TTC7B: variants seen among roughly 807,000 people sequenced by gnomAD.
TTC7B encodes the protein tetratricopeptide repeat domain 7B, also known as tetratricopeptide repeat protein 7B.
Under a neutral mutation model 106.8 loss-of-function variants are expected in TTC7B, and 28 were observed. The ratio of observed to expected loss-of-function variants is 0.26; its 90% CI spans 0.19 to 0.36. The LOEUF (loss-of-function observed/expected upper bound fraction) is 0.36. Ranked by LOEUF, TTC7B falls within the 10% of genes least tolerant of loss-of-function variation. The pLI is 1.00. For synonymous variants in TTC7B, 405 were observed against 430.6 expected, an observed-to-expected ratio of 0.94 and a Z score of 0.74; for missense variants, 862 against 1,076.4, an observed-to-expected ratio of 0.80 and a Z score of 2.79.
chr14:90,690,170 T>C (rs1442159786), intron 6 of TTC7B, among the ~76,000 whole-genome samples: 1 of 152,242 alleles, frequency 6.6e-6, no homozygotes, highest in East Asian at 1.9e-4. Context: ...CGATGTCCAC[T>C]GTAGACGTCT....
At chr14:90,674,235 T>C (rs1351978613) in intron 9 of TTC7B, among the ~76,000 whole-genome samples, 1 of 152,144 alleles carries the variant, frequency 6.6e-6, no homozygotes. Context: ...CAGAGTAGGA[T>C]GTGGCCTCGG....
At chr14:90,736,893 TAAA>T (rs58051350) in intron 4 of TTC7B, among the ~76,000 whole-genome samples, 1 of 91,918 alleles carries the variant, frequency 1.1e-5, no homozygotes, top group Admixed American at 1.4e-4. Flanking sequence ...CCATGTCTCT[TAAA>T]AAAAAAAAAA....
intron 5 of TTC7B, among the ~76,000 whole-genome samples, chr14:90,700,578 C>T (rs1887945000): frequency 6.6e-6 from 1 of 151,848 alleles, no homozygotes; most frequent in Admixed American, 6.5e-5. Flanking sequence ...CCCCTTTCCC[C>T]ATCTCCTTGC....
intron 3 of TTC7B, among the ~76,000 whole-genome samples, chr14:90,760,678 G>A (rs953036397): frequency 2.6e-5 from 4 of 152,176 alleles, no homozygotes; most frequent in African/African-American, 7.2e-5. Context: ...GAGCCCTGGG[G>A]GGCATTGTGC....
chr14:90,743,885 C>G (rs1367600417), intron 4 of TTC7B, among the ~76,000 whole-genome samples: 2 of 152,244 alleles, frequency 1.3e-5, no homozygotes, highest in Non-Finnish European at 1.5e-5. Context: ...CCCCATCCAG[C>G]CTCCAGCCTC....
At chr14:90,584,028 C>G (rs575722779) in intron 18 of TTC7B, among the ~76,000 whole-genome samples, 34 of 152,272 alleles carry the variant, frequency 2.2e-4, no homozygotes, top group African/African-American at 7.7e-4. Context: ...TTCCTCCACC[C>G]TGCGTGTGCT....
In TTC7B at chr14:90,556,132, G is replaced by A. The variant is rs561367396; in HGVS notation, c.2311-14543C>T. ...CACGTAACATCAAAGGACAGTCAGC[G>A]AGAAAGGAAGGACAGGTCCACTGGC... On this transcript the variant is annotated intron_variant, in intron 19 of 19. Transcript: ENST00000328459. 1.1e-4 allele frequency among the ~76,000 whole-genome samples: 16 copies of A among 152,374 alleles called. No homozygotes were observed. In the South Asian group the frequency reaches 1.7e-3, roughly 16 times the overall value.
chr14:90,602,925 G>A (rs915619905), intron 17 of TTC7B, among the ~76,000 whole-genome samples: 2 of 152,146 alleles, frequency 1.3e-5, no homozygotes, highest in Non-Finnish European at 2.9e-5. Context: ...TTGGGAAGAC[G>A]GGGCATCTCA....
intron 5 of TTC7B, among the ~76,000 whole-genome samples, chr14:90,721,350 C>T (rs1333242651): frequency 6.6e-6 from 1 of 152,164 alleles, no homozygotes; most frequent in Non-Finnish European, 1.5e-5. Flanking sequence ...CAATTCATCA[C>T]TGAAAAGAGG....
chr14:90,795,329 G>A (rs55775437), intron 1 of TTC7B, among the ~76,000 whole-genome samples: 3 of 152,170 alleles, frequency 2.0e-5, no homozygotes, highest in African/African-American at 7.2e-5. Context: ...GGCCTTGAGA[G>A]CTTCCAGGTG....
intron 7 of TTC7B, among the ~76,000 whole-genome samples, chr14:90,688,138 G>T (rs1887319197): frequency 6.6e-6 from 1 of 152,212 alleles, no homozygotes; most frequent in South Asian, 2.1e-4. Flanking sequence ...ATTTATTCAT[G>T]TGTGTTCCCC....
chr14:90,779,626 G>A (rs1891145260), intron 3 of TTC7B, among the ~76,000 whole-genome samples: 1 of 152,128 alleles, frequency 6.6e-6, no homozygotes, highest in South Asian at 2.1e-4. Flanking sequence ...TATCATTTAT[G>A]CAGCATTTAG....
chr14:90,684,743 G>T (rs1261567818), intron 7 of TTC7B, among the ~76,000 whole-genome samples: 4 of 152,178 alleles, frequency 2.6e-5, no homozygotes, highest in Non-Finnish European at 5.9e-5. Flanking sequence ...AAGAGGCCAC[G>T]GGAGGGCGTG....
chr14:90,770,959 C>A (rs773031845), intron 3 of TTC7B, among the ~76,000 whole-genome samples: 1 of 152,176 alleles, frequency 6.6e-6, no homozygotes, highest in African/African-American at 2.4e-5. Flanking sequence ...AAGGCAAATA[C>A]CACATGACTC....
At chr14:90,786,987 C>T (rs1052262453) in intron 1 of TTC7B, among the ~76,000 whole-genome samples, 1 of 152,156 alleles carries the variant, frequency 6.6e-6, no homozygotes, top group Non-Finnish European at 1.5e-5. Context: ...ACACAAACCC[C>T]AGTGTTACGT....
intron 15 of TTC7B, among the ~76,000 whole-genome samples, chr14:90,623,926 C>G (rs1166315101): frequency 6.6e-6 from 1 of 152,198 alleles, no homozygotes; most frequent in Non-Finnish European, 1.5e-5. Flanking sequence ...GAGGCTGAGG[C>G]AGAAGAATTG....
chr14:90,558,210 G>A (rs1436793530), intron 19 of TTC7B, among the ~76,000 whole-genome samples: 1 of 152,250 alleles, frequency 6.6e-6, no homozygotes, highest in African/African-American at 2.4e-5. Flanking sequence ...GGGATGGCAG[G>A]TGGTCCTCAG....
intron 14 of TTC7B, 62 bp from the exon 15 acceptor site, chr14:90,644,270 C>T: frequency 7.5e-7 from 1 of 1,324,988 alleles, no homozygotes. Context: ...CACACACACA[C>T]ACACACACAC....
At chr14:90,639,860 C>T (rs986916562) in intron 15 of TTC7B, among the ~76,000 whole-genome samples, 4 of 152,194 alleles carry the variant, frequency 2.6e-5, no homozygotes, top group South Asian at 2.1e-4. Flanking sequence ...GTCACTGCTG[C>T]GTGCAACAAG....
Sources: gnomAD v4.1 joint callset for allele counts (sites outside exome capture counted in the v4.1 genomes callset) on GRCh38, gnomAD v4.1.1 for gene constraint, MANE v1.5 for transcripts, NCBI Gene and HGNC (gene_info 2026-07-23, HGNC 2026-07-21) for gene names.